The following ITGB3 variants were observed in gnomAD, a reference collection of about 807,000 sequenced individuals.
The protein encoded by ITGB3 is integrin beta-3.
A neutral mutation model predicts 85.8 loss-of-function variants in ITGB3; 48 were observed. The observed-to-expected ratio is 0.56, with a 90% CI of 0.44 to 0.71. ITGB3 has a LOEUF of 0.71. Among genes scored for constraint, ITGB3 ranks in the 30% least tolerant of loss-of-function variants. ITGB3 has a pLI of 0.00. For synonymous variants in ITGB3, 363 were observed against 395.6 expected (o/e 0.92, Z 0.98); for missense variants, 861 against 1,019.1 (o/e 0.84, Z 2.11).
intron 2 of ITGB3, among the ~76,000 whole-genome samples, chr17:47,278,304 C>G (rs892697879): frequency 6.6e-6 from 1 of 152,184 alleles, no homozygotes; most frequent in African/African-American, 2.4e-5. Flanking sequence ...AAAAGAGTCA[C>G]CTGCCAGGTG....
chr17:47,260,074 T>TG (rs2065004134), intron 1 of ITGB3, among the ~76,000 whole-genome samples: 1 of 151,634 alleles, frequency 6.6e-6, no homozygotes, highest in African/African-American at 2.4e-5. Flanking sequence ...TTATGTTTAT[T>TG]TGTGTGTGTG....
chr17:47,296,622 T>G (rs1408426737), intron 10 of ITGB3, among the ~76,000 whole-genome samples: 1 of 152,190 alleles, frequency 6.6e-6, no homozygotes, highest in Non-Finnish European at 1.5e-5. Flanking sequence ...GGAGCTATTT[T>G]GTCTCCCAGG....
At chr17:47,254,004 C>T in intron 1 of ITGB3, 64 bp downstream of exon 1, 3 of 1,103,932 alleles carry the variant, frequency 2.7e-6, no homozygotes, top group Non-Finnish European at 3.6e-6. Context: ...GGTCAAGTTG[C>T]GGACTTGGAG....
Position 47,313,660 on chromosome 17 carries a change from T to C in ITGB3, c.*3456T>C, listed in dbSNP as rs573749502. On this transcript the variant is annotated 3_prime_UTR_variant, in exon 15 of 15. Coordinates refer to ENST00000559488, the MANE Select transcript of ITGB3 (RefSeq NM_000212.3). ...CACTGCCCCCGGCTGTGGTTGAAAT[T>C]TCTTAAGTGCCTTCCTCACTTCCTA... Among the ~76,000 whole-genome samples the C allele has an allele frequency of 3.3e-5, 5 of 152,240 alleles. No individual in the cohort carries two copies. The South Asian group carries it at 1.0e-3, about 32-fold the overall frequency.
In ITGB3 at chr17:47,253,936, A is replaced by G. The variant is rs1179804734; in HGVS notation, c.75A>G (p.Val25=). 2 of 1,417,742 alleles carry G rather than the reference A, an allele frequency of 1.4e-6. No individual in the cohort carries two copies. The highest frequency in any genetic ancestry group is 6.1e-5 in the East Asian group (2 of 32,816). The allele number at this position is 1,417,742 out of a possible 1,614,324, so 87.8% of individuals were successfully genotyped here. A position where few individuals can be genotyped will look rare whatever the true frequency, so the allele number is the denominator to read the frequency against. Residue 25 remains valine (V), a synonymous_variant, in exon 1 of 15, where the codon GTA becomes GTG. Coordinates refer to ENST00000559488, the MANE Select transcript of ITGB3 (RefSeq NM_000212.3). The stretch of plus-strand genomic sequence containing the variant: ...TGGGGGCGCTGGCGGGCGTTGGCGT[A>G]GGAGGTGAGTGAGGCTCCGGCTCGG... ...LALGALAGVG[V]GGPNICTTRG... is the part of the protein sequence containing the mutation.
In ITGB3 at chr17:47,299,588, C is replaced by G; in HGVS notation, c.1913+58C>G. On this transcript the variant is annotated intron_variant, in intron 11 of 14. Transcript: ENST00000559488. This position sits in a 1 kb window ranked among gnomAD's most constrained non-coding sequence, Gnocchi z 5.1. Reference sequence around the variant, plus strand: ...TGGGAGGTAGGAGAGGATCCCCTGACTAGAATCCCCAGCTCTCCAGGTGTG... The same window carrying G: ...TGGGAGGTAGGAGAGGATCCCCTGAGTAGAATCCCCAGCTCTCCAGGTGTG... 6.8e-7 allele frequency: 1 copy of G among 1,467,922 alleles called. No individual in the cohort carries two copies. The highest frequency in any genetic ancestry group is 9.5e-7 in the Non-Finnish European group (1 of 1,057,026). The allele number at this position is 1,467,922 out of a possible 1,614,324, so 90.9% of individuals were successfully genotyped here.
At chr17:47,272,541 T>A (rs748998804) in intron 1 of ITGB3, among the ~76,000 whole-genome samples, 4 of 152,136 alleles carry the variant, frequency 2.6e-5, no homozygotes, top group Non-Finnish European at 5.9e-5. Context: ...AGAAGCCAAA[T>A]AATAGGTACA....
In ITGB3 at chr17:47,310,722, G is replaced by A. The variant is rs1171044739; in HGVS notation, c.*518G>A. The A allele has an allele frequency of 1.5e-5, 3 of 196,568 alleles. No individual in the cohort carries two copies. The highest frequency in any genetic ancestry group is 2.1e-5 in the Non-Finnish European group (2 of 93,254). 12.2% of individuals were successfully genotyped at this position (196,568 alleles called of 1,614,324 possible). The stretch of plus-strand genomic sequence containing the variant: ...TAGGAACTGCTGGGCTTGGCAGCCC[G>A]GGTCATCTGTACCTCTGCCTCCTTT... On this transcript the variant is annotated 3_prime_UTR_variant, in exon 15 of 15. Transcript: ENST00000559488.
chr17:47,291,148 C>T, intron 9 of ITGB3, 60 bp downstream of exon 9: 1 of 1,608,902 alleles, frequency 6.2e-7, no homozygotes, highest in Non-Finnish European at 8.5e-7. Context: ...AACCCCCTTT[C>T]TTCCTTTTGT....
rs188188648 is a variant in ITGB3 at position 47,290,595 on chromosome 17, T to C, written c.1125+321T>C. Among the ~76,000 whole-genome samples the C allele has an allele frequency of 2.2e-3, 333 of 152,144 alleles. 1 individual carries two copies. Among genetic ancestry groups the C allele is most frequent in the Non-Finnish European group, 3.5e-3 (238 of 67,984 alleles). On this transcript the variant is annotated intron_variant, in intron 8 of 14. Coordinates refer to ENST00000559488, the MANE Select transcript of ITGB3 (RefSeq NM_000212.3). ...TCCAATAACAGGGAAAAGAGAGAGC[T>C]GAGACATGGGGAAGGTGAGGTTGAT...
At chr17:47,292,922 T>G (rs2065132909) in intron 10 of ITGB3, among the ~76,000 whole-genome samples, 1 of 152,222 alleles carries the variant, frequency 6.6e-6, no homozygotes, top group African/African-American at 2.4e-5. Flanking sequence ...TGGAAAATGG[T>G]GTAATGCTCT....
In ITGB3 at chr17:47,286,145, A is replaced by C. The variant is rs1334791442; in HGVS notation, c.615-115A>C. On this transcript the variant is annotated intron_variant, in intron 4 of 14. Coordinates refer to ENST00000559488, the MANE Select transcript of ITGB3 (RefSeq NM_000212.3). ...GAACTGTCTGGGTAACTGTGGTTGTATGGAACTGGCCTTGGCATACCACTA... is the reference window on the plus strand; with the variant it reads ...GAACTGTCTGGGTAACTGTGGTTGTCTGGAACTGGCCTTGGCATACCACTA... The C allele has an allele frequency of 4.2e-6, 5 of 1,182,116 alleles. No individual in the cohort carries two copies. In the Admixed American group the frequency reaches 8.4e-5, roughly 20 times the overall value. 73.2% of individuals were successfully genotyped at this position (1,182,116 alleles called of 1,614,324 possible). A position where few individuals can be genotyped will look rare whatever the true frequency, so the allele number is the denominator to read the frequency against.
intron 2 of ITGB3, among the ~76,000 whole-genome samples, chr17:47,282,102 C>T (rs1419691689): frequency 6.6e-6 from 1 of 152,074 alleles, no homozygotes; most frequent in African/African-American, 2.4e-5. Context: ...GTGCACGCCA[C>T]CACACCTGGC....
chr17:47,308,187 T>TAATAATAATAAA (rs1438857616), intron 14 of ITGB3, among the ~76,000 whole-genome samples: 2 of 148,016 alleles, frequency 1.4e-5, no homozygotes, highest in African/African-American at 2.5e-5. Flanking sequence ...ATAATAATAA[T>TAATAATAATAAA]AAAATAAAAT....
intron 1 of ITGB3, among the ~76,000 whole-genome samples, chr17:47,262,982 C>T (rs578212983): frequency 7.9e-5 from 12 of 152,204 alleles, no homozygotes; most frequent in South Asian, 4.2e-4. Context: ...TGGTTAGACC[C>T]GTTAAATACT....
intron 1 of ITGB3, among the ~76,000 whole-genome samples, chr17:47,262,352 C>T (rs976937713): frequency 2.6e-5 from 4 of 152,178 alleles, no homozygotes; most frequent in Non-Finnish European, 4.4e-5. Flanking sequence ...AGACCTGCTT[C>T]TTCTGTATAC....
chr17:47,299,597 C>G lies in ITGB3; in HGVS notation c.1913+67C>G. On this transcript the variant is annotated intron_variant, in intron 11 of 14. Coordinates refer to ENST00000559488, the MANE Select transcript of ITGB3 (RefSeq NM_000212.3). The surrounding 1 kb of genome is among the most constrained non-coding windows in gnomAD (Gnocchi z 5.1). The stretch of plus-strand genomic sequence containing the variant: ...GGAGAGGATCCCCTGACTAGAATCC[C>G]CAGCTCTCCAGGTGTGTTTCTTGCT... 1 of 1,393,030 alleles carries G rather than the reference C, an allele frequency of 7.2e-7. No homozygotes were observed. Among genetic ancestry groups the G allele is most frequent in the Non-Finnish European group, 1.0e-6 (1 of 994,286 alleles). 86.3% of individuals were successfully genotyped at this position (1,393,030 alleles called of 1,614,324 possible). A position where few individuals can be genotyped will look rare whatever the true frequency, so the allele number is the denominator to read the frequency against.
chr17:47,256,665 A>G (rs974886235), intron 1 of ITGB3, among the ~76,000 whole-genome samples: 1 of 152,128 alleles, frequency 6.6e-6, no homozygotes, highest in Non-Finnish European at 1.5e-5. Context: ...AGAGTAGCGG[A>G]GTCTGCTTTG....
intron 2 of ITGB3, among the ~76,000 whole-genome samples, chr17:47,282,024 CT>C (rs1402655181): frequency 6.6e-6 from 1 of 152,284 alleles, no homozygotes; most frequent in African/African-American, 2.4e-5. Context: ...TCTTGGCTTG[CT>C]GCAACCTCCA....
Sources: allele counts gnomAD v4.1 joint callset (sites outside exome capture counted in the v4.1 genomes callset), GRCh38; gene constraint gnomAD v4.1.1; non-coding constraint Gnocchi (gnomAD v3.1); transcripts MANE v1.5; gene names NCBI Gene and HGNC (gene_info 2026-07-23, HGNC 2026-07-21).